PRKCE: variants seen among roughly 807,000 people sequenced by gnomAD.
The protein encoded by PRKCE is protein kinase C epsilon.
In PRKCE, 16 loss-of-function variants were observed where a neutral mutation model predicts 85.4. That is an observed-to-expected ratio of 0.19 (90% CI 0.13 to 0.28). The LOEUF (loss-of-function observed/expected upper bound fraction) is 0.28. Ranked by LOEUF, PRKCE falls within the 10% of genes least tolerant of loss-of-function variation. PRKCE has a pLI of 1.00. For synonymous variants in PRKCE, 388 were observed against 371.5 expected (o/e 1.04, Z -0.51); for missense variants, 573 against 975.2 (o/e 0.59, Z 5.49).
intron 11 of PRKCE, among the ~76,000 whole-genome samples, chr2:46,103,503 T>A (rs1671429494): frequency 6.6e-6 from 1 of 152,178 alleles, no homozygotes; most frequent in Admixed American, 6.5e-5. Flanking sequence ...TACACATAAC[T>A]CATGTATAAT....
At chr2:45,709,121 C>T (rs1021699022) in intron 1 of PRKCE, among the ~76,000 whole-genome samples, 2 of 152,240 alleles carry the variant, frequency 1.3e-5, no homozygotes, top group Non-Finnish European at 2.9e-5. Flanking sequence ...ACACCTGGAG[C>T]TGCCTCTGGG....
chr2:45,841,613 T>G (rs1306594419), intron 1 of PRKCE, among the ~76,000 whole-genome samples: 1 of 152,194 alleles, frequency 6.6e-6, no homozygotes, highest in Non-Finnish European at 1.5e-5. Flanking sequence ...TTAATCTCCT[T>G]TGGCAGCACC....
chr2:46,104,918 G>A (rs1671573447), intron 11 of PRKCE, among the ~76,000 whole-genome samples: 1 of 152,046 alleles, frequency 6.6e-6, no homozygotes. Context: ...AAACCTGATT[G>A]CATTTGCACA....
chr2:45,696,983 C>G (rs1019398086), intron 1 of PRKCE, among the ~76,000 whole-genome samples: 3 of 152,176 alleles, frequency 2.0e-5, no homozygotes, highest in Non-Finnish European at 4.4e-5. Context: ...TATTCCAGGT[C>G]TTCTTTCCCC....
intron 1 of PRKCE, among the ~76,000 whole-genome samples, chr2:45,722,589 G>A (rs918419739): frequency 6.6e-6 from 1 of 152,216 alleles, no homozygotes; most frequent in Non-Finnish European, 1.5e-5. Flanking sequence ...GAAATGGGAA[G>A]ATGAGGAAAA....
intron 1 of PRKCE, among the ~76,000 whole-genome samples, chr2:45,806,556 C>T (rs920477190): frequency 3.9e-5 from 6 of 152,300 alleles, no homozygotes; most frequent in South Asian, 2.1e-4. Flanking sequence ...CTTGTAGAAC[C>T]GTAACTGTCT....
intron 14 of PRKCE, among the ~76,000 whole-genome samples, chr2:46,170,767 A>G (rs994368229): frequency 3.9e-5 from 6 of 152,202 alleles, no homozygotes; most frequent in African/African-American, 1.2e-4. Flanking sequence ...TCTTGACTTG[A>G]GAGGCACATA....
chr2:45,964,723 C>A (rs897994229), intron 2 of PRKCE, among the ~76,000 whole-genome samples: 1 of 152,220 alleles, frequency 6.6e-6, no homozygotes, highest in African/African-American at 2.4e-5. Context: ...GTGTTCAACA[C>A]AGTGTGCTTG....
chr2:45,983,898 A>G (rs1703097077), intron 5 of PRKCE, among the ~76,000 whole-genome samples: 1 of 151,096 alleles, frequency 6.6e-6, no homozygotes, highest in East Asian at 1.9e-4. Context: ...CTTTTTGCCT[A>G]GGTGGGGCTT....
In PRKCE at chr2:45,768,334, T is replaced by A. The variant is rs1475794873; in HGVS notation, c.349-74666T>A. 2.0e-5 allele frequency among the ~76,000 whole-genome samples: 3 copies of A among 152,378 alleles called. No homozygotes were observed. The East Asian group carries it at 5.8e-4, about 29-fold the overall frequency. On this transcript the variant is annotated intron_variant, in intron 1 of 14. Transcript: ENST00000306156. ...TCTAATTATCTACAGAGACATCTGA[T>A]TAACTCCAAATGACATCGTCTATGT...
chr2:46,120,764 C>A (rs913057195), intron 11 of PRKCE, among the ~76,000 whole-genome samples: 1 of 152,174 alleles, frequency 6.6e-6, no homozygotes, highest in African/African-American at 2.4e-5. Flanking sequence ...ATTGACCTTT[C>A]TTTCAAAGGA....
At chr2:45,960,650 T>C (rs958609854) in intron 2 of PRKCE, among the ~76,000 whole-genome samples, 10 of 152,202 alleles carry the variant, frequency 6.6e-5, no homozygotes, top group African/African-American at 2.4e-4. Flanking sequence ...TGCAGCCAGG[T>C]TCCTAACAGG....
chr2:45,907,751 G>A lies in PRKCE; in HGVS notation c.412+64688G>A, dbSNP rs189011929. 3.7e-3 allele frequency among the ~76,000 whole-genome samples: 561 copies of A among 152,354 alleles called. 1 individual carries two copies. Among genetic ancestry groups the A allele is most frequent in the Middle Eastern group, 6.8e-3 (2 of 294 alleles). Reference sequence around the variant, plus strand: ...CTGTAGTACCTGAGGGCGTGACTGAGCCAATGGCCACCTCTGGGTCTCTGC... The same window carrying A: ...CTGTAGTACCTGAGGGCGTGACTGAACCAATGGCCACCTCTGGGTCTCTGC... On this transcript the variant is annotated intron_variant, in intron 2 of 14. Coordinates refer to ENST00000306156, the MANE Select transcript of PRKCE (RefSeq NM_005400.3). The surrounding 1 kb of genome is among the most constrained non-coding windows in gnomAD (Gnocchi z 4.5).
chr2:45,964,182 C>T (rs1701579963), intron 2 of PRKCE, among the ~76,000 whole-genome samples: 1 of 152,184 alleles, frequency 6.6e-6, no homozygotes, highest in South Asian at 2.1e-4. Context: ...CTACTCGGCA[C>T]ATTCACACCC....
intron 2 of PRKCE, among the ~76,000 whole-genome samples, chr2:45,941,610 G>T (rs1699883010): frequency 2.6e-5 from 4 of 152,234 alleles, no homozygotes; most frequent in Admixed American, 2.6e-4. Flanking sequence ...TAACAAAGGG[G>T]AGGGGAGATT....
chr2:45,719,857 C>A (rs1680467985), intron 1 of PRKCE, among the ~76,000 whole-genome samples: 1 of 152,036 alleles, frequency 6.6e-6, no homozygotes, highest in African/African-American at 2.4e-5. Flanking sequence ...CCCAGGAGTT[C>A]GAAGTTACAG....
chr2:45,877,494 CTGAT>C (rs1205957483), intron 2 of PRKCE, among the ~76,000 whole-genome samples: 5 of 152,158 alleles, frequency 3.3e-5, no homozygotes, highest in South Asian at 4.1e-4. Flanking sequence ...TAACTTCTGA[CTGAT>C]TAAGTCTCTT....
At position 46,113,879 on chromosome 2, in the gene PRKCE, T is replaced by G. The variant is rs190841551; in HGVS notation, c.1592+27517T>G. Among the ~76,000 whole-genome samples the G allele has an allele frequency of 2.0e-5, 3 of 152,350 alleles. No individual in the cohort carries two copies. In the East Asian group the frequency reaches 5.8e-4, roughly 29 times the overall value. Reference sequence around the variant, plus strand: ...GCCACTTATTCGTCTCAGTCCTGGCTGTGGTGGGGACCTCAGATAGATGAT... The same window carrying G: ...GCCACTTATTCGTCTCAGTCCTGGCGGTGGTGGGGACCTCAGATAGATGAT... On this transcript the variant is annotated intron_variant, in intron 11 of 14. Transcript: ENST00000306156.
At chr2:46,172,370 A>G (rs1006318169) in intron 14 of PRKCE, among the ~76,000 whole-genome samples, 1 of 152,226 alleles carries the variant, frequency 6.6e-6, no homozygotes, top group Non-Finnish European at 1.5e-5. Flanking sequence ...GGACTCATCC[A>G]TAATCAGGTG....
Sources: gnomAD v4.1 joint callset for allele counts (sites outside exome capture counted in the v4.1 genomes callset) on GRCh38, gnomAD v4.1.1 for gene constraint, Gnocchi (gnomAD v3.1) non-coding constraint, MANE v1.5 for transcripts, NCBI Gene and HGNC (gene_info 2026-07-23, HGNC 2026-07-21) for gene names.